The following ROBO2 variants were observed in gnomAD, a reference collection of about 807,000 sequenced individuals.
ROBO2 encodes the protein roundabout homolog 2.
ROBO2 carries 53 observed loss-of-function variants against 160.8 expected under a neutral mutation model. That is an observed-to-expected ratio of 0.33 (90% CI 0.26 to 0.41). The LOEUF is 0.41. Among genes scored for constraint, ROBO2 ranks in the 10% least tolerant of loss-of-function variants. The pLI is 1.00. For synonymous variants in ROBO2, 664 were observed against 611.7 expected, an observed-to-expected ratio of 1.09 and a Z score of -1.26; for missense variants, 1,577 against 1,722.4, an observed-to-expected ratio of 0.92 and a Z score of 1.49.
intron 2 of ROBO2, among the ~76,000 whole-genome samples, chr3:76,228,350 T>A (rs1704418157): frequency 6.6e-6 from 1 of 152,208 alleles, no homozygotes; most frequent in Admixed American, 6.5e-5. Context: ...CATGTATTCC[T>A]TCAGGTTCAG....
At chr3:77,108,253 T>C (rs1385040118) in intron 2 of ROBO2, among the ~76,000 whole-genome samples, 1 of 121,782 alleles carries the variant, frequency 8.2e-6, no homozygotes, top group East Asian at 2.3e-4. Context: ...CACATATGCA[T>C]ATATATGTAT....
chr3:76,490,609 T>C (rs2079766113), intron 2 of ROBO2, among the ~76,000 whole-genome samples: 1 of 152,206 alleles, frequency 6.6e-6, no homozygotes, highest in Non-Finnish European at 1.5e-5. Context: ...CACTCTAATA[T>C]GTCGCCATGA....
At chr3:77,485,592 G>T (rs1214019066) in intron 4 of ROBO2, among the ~76,000 whole-genome samples, 1 of 152,052 alleles carries the variant, frequency 6.6e-6, no homozygotes, top group Non-Finnish European at 1.5e-5. Context: ...ACAATTCAAT[G>T]AAATGTTTAA....
chr3:76,714,915 A>G (rs952190562), intron 2 of ROBO2, among the ~76,000 whole-genome samples: 5 of 152,290 alleles, frequency 3.3e-5, no homozygotes, highest in South Asian at 2.1e-4. Context: ...GAGTAAAGAA[A>G]TAAGAGGAGT....
chr3:77,382,621 C>T (rs144027304), intron 2 of ROBO2, among the ~76,000 whole-genome samples: 81 of 152,218 alleles, frequency 5.3e-4, no homozygotes, highest in African/African-American at 1.9e-3. Context: ...CTCTGTCTGC[C>T]TTTGCATCCC....
chr3:77,491,938 T>G (rs979808027), intron 4 of ROBO2, among the ~76,000 whole-genome samples: 20 of 152,202 alleles, frequency 1.3e-4, no homozygotes, highest in African/African-American at 4.8e-4. Flanking sequence ...CTTACACATT[T>G]GTTTTATAAA....
intron 2 of ROBO2, among the ~76,000 whole-genome samples, chr3:76,909,397 C>T (rs1182607686): frequency 6.6e-6 from 1 of 152,080 alleles, no homozygotes; most frequent in Non-Finnish European, 1.5e-5. Context: ...TAGAATTTAA[C>T]TTCAACTGAC....
rs142754703 is a variant in ROBO2 at position 76,387,719 on chromosome 3, G to C, written c.109+450117G>C. On this transcript the variant is annotated intron_variant, in intron 2 of 26. Coordinates refer to the ROBO2 transcript ENST00000487694. The stretch of plus-strand genomic sequence containing the variant: ...GTTTAAGGTTATGGAGTTTTGACTA[G>C]GTAAAGCCAGGAGAGTGATTAGACA... 5.0e-3 allele frequency among the ~76,000 whole-genome samples: 756 copies of C among 152,276 alleles called. 9 individuals are homozygous for C. The highest frequency in any genetic ancestry group is 0.017 in the African/African-American group (716 of 41,560).
chr3:76,170,768 A>G (rs2073011176), intron 2 of ROBO2, among the ~76,000 whole-genome samples: 1 of 152,200 alleles, frequency 6.6e-6, no homozygotes, highest in South Asian at 2.1e-4. Flanking sequence ...TCATACATAC[A>G]TATATCACTT....
intron 2 of ROBO2, among the ~76,000 whole-genome samples, chr3:76,478,159 T>C (rs1200897593): frequency 2.0e-5 from 3 of 146,694 alleles, no homozygotes; most frequent in Non-Finnish European, 4.5e-5. Flanking sequence ...GTATATCTCC[T>C]AATGCTATCC....
chr3:75,999,170 A>C (rs1471109632), intron 2 of ROBO2, among the ~76,000 whole-genome samples: 1 of 152,202 alleles, frequency 6.6e-6, no homozygotes, highest in Non-Finnish European at 1.5e-5. Context: ...ACAAAATAAT[A>C]TATAAGACAA....
At position 76,194,143 on chromosome 3, in the gene ROBO2, T is replaced by C. The variant is rs139896459; in HGVS notation, c.109+256541T>C. On this transcript the variant is annotated intron_variant, in intron 2 of 26. Transcript: ENST00000487694. ...AGTAATGCAAGTTTAATTCTACATTTATTTTAATATTAATTTCATTATGGG... is the reference window on the plus strand; with the variant it reads ...AGTAATGCAAGTTTAATTCTACATTCATTTTAATATTAATTTCATTATGGG... Among the ~76,000 whole-genome samples, 653 of 151,878 alleles carry C rather than the reference T, an allele frequency of 4.3e-3. 11 individuals carry two copies. The highest frequency in any genetic ancestry group is 0.035 in the East Asian group (180 of 5,160).
intron 2 of ROBO2, among the ~76,000 whole-genome samples, chr3:76,065,327 C>T (rs1224055049): frequency 5.3e-5 from 8 of 152,002 alleles, no homozygotes; most frequent in South Asian, 2.1e-4. Context: ...TTTTAAATAA[C>T]GTGTGAGAAC....
intron 2 of ROBO2, among the ~76,000 whole-genome samples, chr3:76,887,896 C>A (rs1271707313): frequency 1.3e-5 from 2 of 152,072 alleles, no homozygotes; most frequent in Admixed American, 6.5e-5. Context: ...TTAAAGTAAA[C>A]CTTGAGCTTG....
At chr3:76,011,411 C>G (rs2066190587) in intron 2 of ROBO2, among the ~76,000 whole-genome samples, 1 of 152,158 alleles carries the variant, frequency 6.6e-6, no homozygotes, top group Non-Finnish European at 1.5e-5. Flanking sequence ...TCAATGTTTC[C>G]ACTTTTAAAC....
At chr3:77,313,904 C>A (rs568418792) in intron 2 of ROBO2, among the ~76,000 whole-genome samples, 4 of 152,108 alleles carry the variant, frequency 2.6e-5, no homozygotes, top group Middle Eastern at 3.4e-3. Flanking sequence ...TTTTTAAAAG[C>A]AATTTATTTT....
chr3:77,052,802 A>G (rs1466035423), intron 1 of ROBO2, among the ~76,000 whole-genome samples: 1 of 152,194 alleles, frequency 6.6e-6, no homozygotes, highest in African/African-American at 2.4e-5. Flanking sequence ...AGGCAGATCT[A>G]TTTGACAACA....
chr3:76,622,264 A>T (rs2089241362), intron 2 of ROBO2, among the ~76,000 whole-genome samples: 5 of 74,302 alleles, frequency 6.7e-5, no homozygotes, highest in Admixed American at 1.4e-4. Flanking sequence ...GAAAGAAAGA[A>T]AGAAAGAAAG....
At chr3:76,256,524 TG>T (rs1217538066) in intron 2 of ROBO2, among the ~76,000 whole-genome samples, 1 of 151,812 alleles carries the variant, frequency 6.6e-6, no homozygotes, top group Non-Finnish European at 1.5e-5. Flanking sequence ...CTGGGCAATA[TG>T]GCGAAATCCT....
Sources: allele counts gnomAD v4.1 joint callset (sites outside exome capture counted in the v4.1 genomes callset), GRCh38; gene constraint gnomAD v4.1.1; transcripts MANE v1.5; gene names NCBI Gene and HGNC (gene_info 2026-07-23, HGNC 2026-07-21).